CPT1C: variants seen among roughly 807,000 people sequenced by gnomAD.
CPT1C encodes palmitoyl thioesterase CPT1C.
CPT1C carries 61 observed loss-of-function variants against 97.3 expected under a neutral mutation model. The ratio of observed to expected loss-of-function variants is 0.63; its 90% CI spans 0.51 to 0.78. The LOEUF is 0.78. Among genes scored for constraint, CPT1C ranks in the 30% least tolerant of loss-of-function variants. CPT1C has a pLI of 0.00. For missense variants in CPT1C, 975 were observed against 1,065.5 expected, an observed-to-expected ratio of 0.92 and a Z score of 1.18; for synonymous variants, 469 against 447.2, an observed-to-expected ratio of 1.05 and a Z score of -0.61.
Position 49,701,391 on chromosome 19 carries a change from G to A in CPT1C, c.528G>A (p.Val176=), listed in dbSNP as rs1568517578. Residue 176 remains valine (V), a synonymous_variant, in exon 6 of 20, where the codon GTG becomes GTA. Coordinates refer to ENST00000598293, the MANE Select transcript of CPT1C (RefSeq NM_001199753.2). ...SYQRSLPRQP[V]PSVQDTVRKY... Reference sequence around the variant, plus strand: ...AGCGCTCCCTGCCACGCCAGCCCGTGCCCTCTGTGCAGGACACCGTGCGCA... The same window carrying A: ...AGCGCTCCCTGCCACGCCAGCCCGTACCCTCTGTGCAGGACACCGTGCGCA... 1 of 1,613,502 alleles carries A rather than the reference G, an allele frequency of 6.2e-7. No homozygotes were observed. Among genetic ancestry groups the A allele is most frequent in the Admixed American group, 1.7e-5 (1 of 59,982 alleles).
intron 16 of CPT1C, 64 bp downstream of exon 16, chr19:49,710,921 G>C: frequency 6.5e-7 from 1 of 1,536,306 alleles, no homozygotes; most frequent in Non-Finnish European, 8.9e-7. Flanking sequence ...ACTTGCAAAC[G>C]TTGATGGGAC....
At chr19:49,705,368 T>A in intron 10 of CPT1C, 70 bp downstream of exon 10, 1 of 1,297,480 alleles carries the variant, frequency 7.7e-7, no homozygotes. Context: ...TTTTCTGGAG[T>A]CCGCCTGACT....
chr19:49,701,496 G>A lies in CPT1C; in HGVS notation c.556-1G>A. 1 of 1,605,844 alleles carries A rather than the reference G, an allele frequency of 6.2e-7. No homozygotes were observed. Among genetic ancestry groups the A allele is most frequent in the Admixed American group, 1.7e-5 (1 of 59,570 alleles). On this transcript the variant is annotated splice_acceptor_variant, in intron 6 of 19. Transcript: ENST00000598293. LOFTEE classifies it high-confidence loss of function. The stretch of plus-strand genomic sequence containing the variant: ...GTGACCTGCCCTCTTCTCCCCTTTA[G>A]TACCTGGAGTCGGTCCGGCCCATCC...
chr19:49,690,755 G>T, upstream of CPT1C: 1 of 388,806 alleles, frequency 2.6e-6, no homozygotes, highest in South Asian at 7.2e-5. The surrounding 1 kb of genome is among the most constrained non-coding windows in gnomAD (Gnocchi z 4.4). Context: ...TGGTTTTGGC[G>T]GGCCGTCCTG....
chr19:49,692,231 C>A lies in CPT1C; in HGVS notation c.-14-8C>A. On this transcript the variant is annotated splice_region_variant and splice_polypyrimidine_tract_variant and intron_variant, in intron 2 of 19. Coordinates refer to ENST00000598293, the MANE Select transcript of CPT1C (RefSeq NM_001199753.2). ...TGGGGTCCTGAAGTATGACTCTGCCCGACTCAGGGCTCCAGCGTGACATGG... is the reference window on the plus strand; with the variant it reads ...TGGGGTCCTGAAGTATGACTCTGCCAGACTCAGGGCTCCAGCGTGACATGG... 6.2e-7 allele frequency: 1 copy of A among 1,612,212 alleles called. No homozygotes were observed. The highest frequency in any genetic ancestry group is 1.1e-5 in the South Asian group (1 of 91,030).
intron 7 of CPT1C, among the ~76,000 whole-genome samples, chr19:49,702,890 C>G (rs1196920366): frequency 2.0e-5 from 3 of 151,880 alleles, no homozygotes; most frequent in Non-Finnish European, 4.4e-5. Context: ...AAAGCTGCAG[C>G]AAGAGTGAGA....
intron 16 of CPT1C, 92 bp downstream of exon 16, chr19:49,710,949 C>A: frequency 7.3e-7 from 1 of 1,362,228 alleles, no homozygotes; most frequent in Non-Finnish European, 1.0e-6. Flanking sequence ...AGCCAGCCTC[C>A]ACGAGGAGCA....
At chr19:49,692,034 C>T (rs1459109362) in intron 2 of CPT1C, 145 bp downstream of exon 2, 1 of 531,804 alleles carries the variant, frequency 1.9e-6, no homozygotes. Flanking sequence ...GGCCTGGACT[C>T]CTGGATCTGA....
intron 17 of CPT1C, chr19:49,712,362 A>C: frequency 3.7e-6 from 1 of 267,992 alleles, no homozygotes; most frequent in Non-Finnish European, 7.0e-6. Flanking sequence ...AAAAAAAAGG[A>C]GGGTGATGTT....
chr19:49,710,806 C>T lies in CPT1C; in HGVS notation c.1815C>T (p.Cys605=). ...LEGRTETVRS[C]TREACNFVRA... is the part of the protein sequence containing the mutation. The stretch of plus-strand genomic sequence containing the variant: ...GCCGGACGGAGACGGTGCGGTCTTG[C>T]ACGAGGGAGGCCTGCAACTTTGTCA... The change falls in exon 16 of 20, where the codon TGC becomes TGT. Residue 605 remains cysteine, a synonymous_variant. Coordinates refer to ENST00000598293, the MANE Select transcript of CPT1C (RefSeq NM_001199753.2). 3 of 1,614,002 alleles carry T rather than the reference C, an allele frequency of 1.9e-6. No individual in the cohort carries two copies. Among genetic ancestry groups the T allele is most frequent in the Non-Finnish European group, 2.5e-6 (3 of 1,179,928 alleles).
intron 19 of CPT1C, 66 bp from the exon 20 acceptor site, chr19:49,713,354 C>G (rs542187533): frequency 1.4e-5 from 21 of 1,451,776 alleles, no homozygotes; most frequent in Non-Finnish European, 1.8e-5. Flanking sequence ...CCTTAGCCCT[C>G]TTGTTTCTCA....
At chr19:49,696,254 T>C (rs533116276) in intron 3 of CPT1C, among the ~76,000 whole-genome samples, 1 of 152,248 alleles carries the variant, frequency 6.6e-6, no homozygotes, top group Non-Finnish European at 1.5e-5. Flanking sequence ...TTTAAATTGT[T>C]AATCCTTGTA....
intron 7 of CPT1C, among the ~76,000 whole-genome samples, chr19:49,701,917 T>C (rs1170062947): frequency 8.9e-6 from 1 of 112,120 alleles, no homozygotes; most frequent in Non-Finnish European, 1.8e-5. Flanking sequence ...TATTTATATT[T>C]ATATACAAAT....
chr19:49,692,705 C>A (rs1240051070), intron 3 of CPT1C, among the ~76,000 whole-genome samples: 1 of 152,072 alleles, frequency 6.6e-6, no homozygotes, highest in Non-Finnish European at 1.5e-5. Flanking sequence ...ATTATCATTT[C>A]TTCCTTTCAT....
At chr19:49,702,121 T>TTTATAAATTATAAATAAATATATA (rs1568521910) in intron 7 of CPT1C, among the ~76,000 whole-genome samples, 25 of 105,544 alleles carry the variant, frequency 2.4e-4, no homozygotes, top group South Asian at 4.6e-4. Context: ...TATTTATTTA[T>TTTATAAATTATAAATAAATATATA]TTATAAATTA....
At chr19:49,711,134 C>A (rs2083852340) in intron 16 of CPT1C, 3 of 241,952 alleles carry the variant, frequency 1.2e-5, no homozygotes, top group Non-Finnish European at 2.4e-5. Context: ...TGCTCTGTTG[C>A]CCAGGCTGGA....
intron 3 of CPT1C, among the ~76,000 whole-genome samples, chr19:49,693,880 AACCCC>A (rs2082491180): frequency 6.6e-6 from 1 of 152,030 alleles, no homozygotes; most frequent in South Asian, 2.1e-4. Context: ...AACACGGTGA[AACCCC>A]GTTTCTACTA....
chr19:49,701,965 TA>T (rs2083123666), intron 7 of CPT1C, among the ~76,000 whole-genome samples: 1 of 100,136 alleles, frequency 1.0e-5, no homozygotes, highest in Non-Finnish European at 1.9e-5. Context: ...TATATTTATA[TA>T]TAAATTTATA....
chr19:49,709,386 C>A (rs567850562), intron 14 of CPT1C, among the ~76,000 whole-genome samples: 2 of 151,658 alleles, frequency 1.3e-5, no homozygotes, highest in African/African-American at 4.8e-5. Flanking sequence ...ACAACCCCAC[C>A]TCCAACCACA....
Sources: allele counts gnomAD v4.1 joint callset (sites outside exome capture counted in the v4.1 genomes callset), GRCh38; gene constraint gnomAD v4.1.1; non-coding constraint Gnocchi (gnomAD v3.1); transcripts MANE v1.5; gene names NCBI Gene and HGNC (gene_info 2026-07-23, HGNC 2026-07-21).